THADA: variants seen among roughly 807,000 people sequenced by gnomAD.
The protein encoded by THADA is tRNA (32-2'-O)-methyltransferase regulator THADA.
In THADA, 213 loss-of-function variants were observed where a neutral mutation model predicts 219.8. That is an observed-to-expected ratio of 0.97 (90% CI 0.87 to 1.09). The LOEUF is 1.09. Among genes scored for constraint, THADA ranks in the 50% least tolerant of loss-of-function variants. The pLI is 0.00. For missense variants in THADA, 2,956 were observed against 2,311.3 expected, an observed-to-expected ratio of 1.28 and a Z score of -5.72; for synonymous variants, 1,018 against 828.9, an observed-to-expected ratio of 1.23 and a Z score of -3.92.
At chr2:43,551,018 T>C (rs528145077) in intron 19 of THADA, among the ~76,000 whole-genome samples, 1 of 152,338 alleles carries the variant, frequency 6.6e-6, no homozygotes, top group East Asian at 1.9e-4. Flanking sequence ...TAAATGTGTC[T>C]TACTATCGTG....
chr2:43,300,430 A>G (rs1676121322), intron 31 of THADA, among the ~76,000 whole-genome samples: 1 of 152,212 alleles, frequency 6.6e-6, no homozygotes. Flanking sequence ...AGAGAGGTGA[A>G]GTTACTTGCT....
intron 36 of THADA, among the ~76,000 whole-genome samples, chr2:43,269,469 A>G (rs1671890770): frequency 6.6e-6 from 1 of 152,194 alleles, no homozygotes. Context: ...AGACGGGAGC[A>G]TTAGTTTGCA....
chr2:43,434,447 C>T (rs1479425315), intron 26 of THADA, among the ~76,000 whole-genome samples: 3 of 152,148 alleles, frequency 2.0e-5, no homozygotes, highest in African/African-American at 7.2e-5. Context: ...CCAAGACCAC[C>T]CTGGCCCGCC....
At chr2:43,541,106 T>C in intron 21 of THADA, 53 bp downstream of exon 21, 2 of 1,416,012 alleles carry the variant, frequency 1.4e-6, no homozygotes, top group East Asian at 5.3e-5. Context: ...AAAAAAAAAG[T>C]GATTTATGCG....
chr2:43,262,808 T>A (rs1160402563), intron 36 of THADA, among the ~76,000 whole-genome samples: 1 of 152,246 alleles, frequency 6.6e-6, no homozygotes, highest in African/African-American at 2.4e-5. Context: ...GGGGAGTTTT[T>A]ACGAAATGTA....
chr2:43,514,595 ATATTTT>A (rs1690964923), intron 22 of THADA, among the ~76,000 whole-genome samples: 3 of 99,114 alleles, frequency 3.0e-5, no homozygotes, highest in African/African-American at 4.5e-5. Flanking sequence ...TTATATATGT[ATATTTT>A]ATATATATTT....
intron 31 of THADA, among the ~76,000 whole-genome samples, chr2:43,310,306 T>C (rs919132485): frequency 1.4e-5 from 2 of 141,618 alleles, no homozygotes; most frequent in Admixed American, 7.9e-5. Context: ...TGTTGAAAAA[T>C]GAAGAAAGAG....
intron 30 of THADA, among the ~76,000 whole-genome samples, chr2:43,338,155 T>A (rs956498006): frequency 1.4e-5 from 1 of 71,172 alleles, no homozygotes; most frequent in African/African-American, 4.4e-5. Context: ...TCACCAGAAC[T>A]TTTTTTTTTT....
intron 22 of THADA, among the ~76,000 whole-genome samples, chr2:43,520,366 A>G (rs557958459): frequency 9.8e-5 from 15 of 152,326 alleles, no homozygotes; most frequent in East Asian, 3.9e-4. Flanking sequence ...TTCATCATAA[A>G]CAACTCAGTA....
intron 31 of THADA, among the ~76,000 whole-genome samples, chr2:43,306,721 G>GCTCCA (rs1377097308): frequency 6.6e-6 from 1 of 152,194 alleles, no homozygotes; most frequent in Non-Finnish European, 1.5e-5. Flanking sequence ...TACTAGGAGT[G>GCTCCA]CTCCTATTTT....
At chr2:43,419,891 T>C (rs940431542) in intron 28 of THADA, among the ~76,000 whole-genome samples, 1 of 152,244 alleles carries the variant, frequency 6.6e-6, no homozygotes, top group Non-Finnish European at 1.5e-5. Flanking sequence ...AATACTGTTC[T>C]TTATTAAAGT....
At chr2:43,398,240 G>T (rs548072212) in intron 28 of THADA, 101 bp from the exon 29 acceptor site, 1 of 1,256,440 alleles carries the variant, frequency 8.0e-7, no homozygotes, top group Non-Finnish European at 1.1e-6. Context: ...AACATCCAGG[G>T]GTTAGGGGGA....
intron 1 of THADA, among the ~76,000 whole-genome samples, chr2:43,594,315 C>G (rs956057000): frequency 3.3e-5 from 5 of 152,150 alleles, no homozygotes; most frequent in Admixed American, 6.5e-5. Context: ...AGTGGGGGCT[C>G]GTGCCTGTAA....
chr2:43,380,647 C>T lies in THADA; in HGVS notation c.4227+17324G>A, dbSNP rs539992623. 1.3e-4 allele frequency among the ~76,000 whole-genome samples: 20 copies of T among 152,244 alleles called. No homozygotes were observed. In the South Asian group the frequency reaches 2.7e-3, roughly 21 times the overall value. The stretch of plus-strand genomic sequence containing the variant: ...TCTGTCCATTGAGAGGGCCTAGAAA[C>T]GGTAACACCCTAGTAGCCATGAGCA... On this transcript the variant is annotated intron_variant, in intron 29 of 37. Transcript: ENST00000405975.
chr2:43,588,237 A>T (rs186792153), intron 4 of THADA, among the ~76,000 whole-genome samples: 1 of 152,078 alleles, frequency 6.6e-6, no homozygotes, highest in African/African-American at 2.4e-5. Context: ...ACTAAATTGA[A>T]TCCCTACCTC....
At chr2:43,358,302 T>G (rs1195099093) in intron 29 of THADA, among the ~76,000 whole-genome samples, 1 of 152,104 alleles carries the variant, frequency 6.6e-6, no homozygotes, top group Non-Finnish European at 1.5e-5. Context: ...TACTAATTAT[T>G]GGGACAGGTA....
chr2:43,330,598 C>T (rs993589969), intron 30 of THADA, among the ~76,000 whole-genome samples: 3 of 152,184 alleles, frequency 2.0e-5, no homozygotes, highest in Non-Finnish European at 4.4e-5. Context: ...GCTGTCTCTA[C>T]CAGGTCACTA....
intron 29 of THADA, among the ~76,000 whole-genome samples, chr2:43,386,950 C>G (rs150826967): frequency 4.6e-5 from 7 of 151,652 alleles, no homozygotes; most frequent in African/African-American, 7.3e-5. Context: ...TGTTCAGTAC[C>G]CGTTAGATTT....
intron 31 of THADA, among the ~76,000 whole-genome samples, chr2:43,304,651 G>A (rs1005741757): frequency 1.6e-4 from 24 of 149,980 alleles, no homozygotes; most frequent in Admixed American, 1.3e-3. Context: ...AGTAGGAGAC[G>A]AAAAAATACA....
Sources: gnomAD v4.1 joint callset for allele counts (sites outside exome capture counted in the v4.1 genomes callset) on GRCh38, gnomAD v4.1.1 for gene constraint, MANE v1.5 for transcripts, NCBI Gene and HGNC (gene_info 2026-07-23, HGNC 2026-07-21) for gene names.